The following COL8A1 variants were observed in gnomAD, a reference collection of about 807,000 sequenced individuals.
The protein encoded by COL8A1 is collagen type VIII alpha 1 chain.
In COL8A1, 21 loss-of-function variants were observed where a neutral mutation model predicts 42.7. That is an observed-to-expected ratio of 0.49 (90% CI 0.35 to 0.71). The LOEUF (loss-of-function observed/expected upper bound fraction) is 0.71, where lower values mean the gene tolerates loss of function less well. Ranked by LOEUF, COL8A1 falls within the 30% of genes least tolerant of loss-of-function variation. The pLI, the probability that COL8A1 is intolerant of heterozygous loss-of-function variation, is 0.01. For synonymous variants in COL8A1, 367 were observed against 369.1 expected, an observed-to-expected ratio of 0.99 and a Z score of 0.06; for missense variants, 788 against 962.4, an observed-to-expected ratio of 0.82 and a Z score of 2.40.
intron 2 of COL8A1, among the ~76,000 whole-genome samples, chr3:99,784,193 A>G (rs1328414467): frequency 6.6e-6 from 1 of 152,248 alleles, no homozygotes; most frequent in African/African-American, 2.4e-5. Context: ...ATTGGATGGC[A>G]GCTCCTACAC....
intron 2 of COL8A1, among the ~76,000 whole-genome samples, chr3:99,771,565 C>A (rs540852402): frequency 6.6e-6 from 1 of 152,286 alleles, no homozygotes; most frequent in Non-Finnish European, 1.5e-5. Flanking sequence ...GAAATTAATG[C>A]CCCTCAAGCC....
intron 1 of COL8A1, among the ~76,000 whole-genome samples, chr3:99,708,759 C>G (rs1171838712): frequency 6.6e-6 from 1 of 152,026 alleles, no homozygotes; most frequent in Non-Finnish European, 1.5e-5. Context: ...AATTATAACA[C>G]CAAATTTTGC....
At chr3:99,775,174 G>T (rs1289464726) in intron 2 of COL8A1, among the ~76,000 whole-genome samples, 3 of 152,128 alleles carry the variant, frequency 2.0e-5, no homozygotes, top group South Asian at 2.1e-4. Flanking sequence ...TGTGATCAGG[G>T]ATAAAATACC....
At chr3:99,709,107 T>G (rs916375006) in intron 1 of COL8A1, among the ~76,000 whole-genome samples, 1 of 145,386 alleles carries the variant, frequency 6.9e-6, no homozygotes, top group Non-Finnish European at 1.5e-5. Flanking sequence ...TGCCTAGACA[T>G]CTTGTCCTCC....
intron 1 of COL8A1, among the ~76,000 whole-genome samples, chr3:99,704,898 A>G (rs1939637119): frequency 6.6e-6 from 1 of 152,168 alleles, no homozygotes; most frequent in Non-Finnish European, 1.5e-5. Context: ...AATTTTGAAC[A>G]TGGATCCCAT....
Position 99,795,443 on chromosome 3 carries a change from T to C in COL8A1, c.1542T>C (p.Ile514=). ...GTGGCCCCATTGGACCACCTGGGAT[T>C]CCAGGCCCCAAAGGGGAGCCGGGCC... ...GPSGPIGPPG[I]PGPKGEPGLP... The change falls in exon 4 of 4, where the codon ATT becomes ATC. Residue 514 remains isoleucine, a synonymous_variant. Transcript: ENST00000652472. 1 of 1,514,544 alleles carries C rather than the reference T, an allele frequency of 6.6e-7. No homozygotes were observed. The highest frequency in any genetic ancestry group is 8.9e-7 in the Non-Finnish European group (1 of 1,129,456). 93.8% of individuals were successfully genotyped at this position (1,514,544 alleles called of 1,614,324 possible). A position where few individuals can be genotyped will look rare whatever the true frequency, so the allele number is the denominator to read the frequency against.
chr3:99,759,071 C>T (rs905350191), intron 2 of COL8A1, among the ~76,000 whole-genome samples: 1 of 151,260 alleles, frequency 6.6e-6, no homozygotes, highest in Admixed American at 6.6e-5. Context: ...AAAGTTGCAT[C>T]GATCCTACTC....
At position 99,771,003 on chromosome 3, in the gene COL8A1, G is replaced by A. The variant is rs552828391; in HGVS notation, c.-3-19677G>A. 2.8e-4 allele frequency among the ~76,000 whole-genome samples: 42 copies of A among 152,328 alleles called. No homozygotes were observed. The South Asian group carries it at 4.1e-3, about 15-fold the overall frequency. The stretch of plus-strand genomic sequence containing the variant: ...CAAAACCTGCATGACATGAAAAGGG[G>A]CCATTCATGTGCAGAGCTGGAAGAA... On this transcript the variant is annotated intron_variant, in intron 2 of 3. Coordinates refer to ENST00000652472, the MANE Select transcript of COL8A1 (RefSeq NM_020351.4).
chr3:99,707,460 T>C (rs1939712248), intron 1 of COL8A1, among the ~76,000 whole-genome samples: 1 of 152,174 alleles, frequency 6.6e-6, no homozygotes, highest in Non-Finnish European at 1.5e-5. Flanking sequence ...TAGCTAACTA[T>C]TGTCCTCCTT....
chr3:99,759,555 G>A (rs1200838701), intron 2 of COL8A1, among the ~76,000 whole-genome samples: 1 of 152,104 alleles, frequency 6.6e-6, no homozygotes, highest in East Asian at 1.9e-4. Flanking sequence ...TGAACTCTTA[G>A]GATGTCAGAC....
At chr3:99,757,325 C>T (rs1941273591) in intron 2 of COL8A1, among the ~76,000 whole-genome samples, 1 of 152,188 alleles carries the variant, frequency 6.6e-6, no homozygotes, top group African/African-American at 2.4e-5. Flanking sequence ...TACACTCTTT[C>T]TCTGGTGTCA....
At chr3:99,714,894 A>T (rs1272216439) in intron 1 of COL8A1, among the ~76,000 whole-genome samples, 2 of 152,138 alleles carry the variant, frequency 1.3e-5, no homozygotes, top group Non-Finnish European at 2.9e-5. Flanking sequence ...TGAGGAAATA[A>T]CACTTTAGCT....
At chr3:99,714,862 C>G (rs535493279) in intron 1 of COL8A1, among the ~76,000 whole-genome samples, 1 of 152,186 alleles carries the variant, frequency 6.6e-6, no homozygotes, top group Admixed American at 6.6e-5. Context: ...GAAGGAACCA[C>G]TTTACATAGG....
intron 1 of COL8A1, among the ~76,000 whole-genome samples, chr3:99,734,372 A>C (rs1482773023): frequency 7.0e-6 from 1 of 143,726 alleles, no homozygotes; most frequent in Non-Finnish European, 1.5e-5. Flanking sequence ...ACATATGGCT[A>C]GCCAGTTTTC....
At position 99,797,192 on chromosome 3, in the gene COL8A1, T is replaced by C. The variant is rs1433261691; in HGVS notation, c.*1056T>C. 6.6e-6 allele frequency: 1 copy of C among 152,204 alleles called. No homozygotes were observed. Among genetic ancestry groups the C allele is most frequent in the Non-Finnish European group, 1.5e-5 (1 of 68,040 alleles). The allele number at this position is 152,204 out of a possible 1,614,324, so 9.4% of individuals were successfully genotyped here. A position where few individuals can be genotyped will look rare whatever the true frequency, so the allele number is the denominator to read the frequency against. ...GTTCTAATCATGGAGATATCAGTAA[T>C]TTTTAGTAACTGAATTTTGAGGACA... On this transcript the variant is annotated 3_prime_UTR_variant, in exon 4 of 4. Transcript: ENST00000652472.
chr3:99,649,252 A>ATGGC (rs989194231), intron 1 of COL8A1, among the ~76,000 whole-genome samples: 2 of 152,076 alleles, frequency 1.3e-5, no homozygotes, highest in African/African-American at 2.4e-5. Flanking sequence ...CCATTCTATA[A>ATGGC]TGGCATGAGT....
At chr3:99,765,676 T>G (rs1009316273) in intron 2 of COL8A1, among the ~76,000 whole-genome samples, 1 of 152,190 alleles carries the variant, frequency 6.6e-6, no homozygotes, top group African/African-American at 2.4e-5. Flanking sequence ...ATCATTCACA[T>G]AAGTCAGGGA....
intron 2 of COL8A1, among the ~76,000 whole-genome samples, chr3:99,753,786 T>C (rs1941200326): frequency 6.6e-6 from 1 of 152,192 alleles, no homozygotes; most frequent in Non-Finnish European, 1.5e-5. Context: ...CTAGGCATGG[T>C]TCTATGCTTT....
chr3:99,682,841 A>G (rs1938930403), intron 1 of COL8A1, among the ~76,000 whole-genome samples: 2 of 139,142 alleles, frequency 1.4e-5, no homozygotes, highest in Non-Finnish European at 3.1e-5. Flanking sequence ...ACAACCACAC[A>G]GCATTGTTGT....
Sources: allele counts gnomAD v4.1 joint callset (sites outside exome capture counted in the v4.1 genomes callset), GRCh38; gene constraint gnomAD v4.1.1; transcripts MANE v1.5; gene names NCBI Gene and HGNC (gene_info 2026-07-23, HGNC 2026-07-21).